Variants in NLGN1 observed in about 807,000 individuals in gnomAD.
The protein encoded by NLGN1 is neuroligin-1.
In NLGN1, 12 loss-of-function variants were observed where a neutral mutation model predicts 65.5. The ratio of observed to expected loss-of-function variants is 0.18; its 90% CI spans 0.12 to 0.30. NLGN1 has a LOEUF of 0.30. Ranked by LOEUF, NLGN1 falls within the 10% of genes least tolerant of loss-of-function variation. The pLI is 1.00. For synonymous variants in NLGN1, 350 were observed against 359.5 expected, an observed-to-expected ratio of 0.97 and a Z score of 0.30; for missense variants, 750 against 1,007.1, an observed-to-expected ratio of 0.74 and a Z score of 3.46.
chr3:174,035,852 A>G (rs1731020258), intron 4 of NLGN1, among the ~76,000 whole-genome samples: 1 of 152,054 alleles, frequency 6.6e-6, no homozygotes, highest in Non-Finnish European at 1.5e-5. Context: ...ATCCTATTAT[A>G]TAGGATCTAG....
At chr3:173,778,773 A>G (rs1334845617) in intron 3 of NLGN1, among the ~76,000 whole-genome samples, 1 of 151,894 alleles carries the variant, frequency 6.6e-6, no homozygotes, top group Admixed American at 6.6e-5. Context: ...CAGTAAGTAA[A>G]TTAAATCATT....
intron 4 of NLGN1, among the ~76,000 whole-genome samples, chr3:174,171,139 A>C (rs192419789): frequency 6.6e-6 from 1 of 152,302 alleles, no homozygotes; most frequent in Admixed American, 6.5e-5. Context: ...TCAAATGTAC[A>C]GTGATGTTAT....
intron 4 of NLGN1, among the ~76,000 whole-genome samples, chr3:173,930,605 A>C (rs891165268): frequency 1.3e-5 from 2 of 152,212 alleles, no homozygotes; most frequent in African/African-American, 4.8e-5. Flanking sequence ...AATCTAAGAA[A>C]GAAGGATAGA....
intron 4 of NLGN1, among the ~76,000 whole-genome samples, chr3:173,911,194 T>C (rs1461549905): frequency 1.3e-5 from 2 of 152,186 alleles, no homozygotes; most frequent in Non-Finnish European, 2.9e-5. Context: ...TGAAAAATAA[T>C]TGTTTAAGCT....
At chr3:173,484,893 G>A (rs1413478697) in intron 2 of NLGN1, among the ~76,000 whole-genome samples, 1 of 151,930 alleles carries the variant, frequency 6.6e-6, no homozygotes. Context: ...CTCAGTTTCT[G>A]TGTTTTTCTA....
intron 1 of NLGN1, among the ~76,000 whole-genome samples, chr3:173,419,262 G>A (rs1215547919): frequency 1.3e-5 from 2 of 150,844 alleles, no homozygotes; most frequent in Non-Finnish European, 3.0e-5. Context: ...CTTATCACAA[G>A]CTTGGAATGT....
chr3:173,982,616 A>G (rs1023663465), intron 4 of NLGN1, among the ~76,000 whole-genome samples: 1 of 152,190 alleles, frequency 6.6e-6, no homozygotes, highest in Non-Finnish European at 1.5e-5. Flanking sequence ...TTTAAGAATG[A>G]AAAGCAGTGA....
At chr3:173,613,182 C>T (rs1752567708) in intron 3 of NLGN1, among the ~76,000 whole-genome samples, 1 of 152,076 alleles carries the variant, frequency 6.6e-6, no homozygotes, top group Admixed American at 6.6e-5. Context: ...GACATTGCCA[C>T]TTTTTTCCAA....
At chr3:174,164,443 T>C (rs892926692) in intron 4 of NLGN1, among the ~76,000 whole-genome samples, 1 of 152,072 alleles carries the variant, frequency 6.6e-6, no homozygotes, top group Non-Finnish European at 1.5e-5. Context: ...GTACCACTTG[T>C]CAATTTTTGG....
intron 4 of NLGN1, among the ~76,000 whole-genome samples, chr3:174,187,590 G>A (rs986670187): frequency 2.0e-5 from 3 of 152,018 alleles, no homozygotes; most frequent in African/African-American, 7.2e-5. Context: ...CATAGAAAAT[G>A]CAAAGTCAAA....
chr3:174,270,952 A>G (rs1250995697), intron 4 of NLGN1, among the ~76,000 whole-genome samples: 4 of 151,790 alleles, frequency 2.6e-5, no homozygotes, highest in Admixed American at 2.6e-4. Context: ...ACGTCTCACT[A>G]TCATTCAGAG....
chr3:174,250,000 T>C (rs936731040), intron 4 of NLGN1, among the ~76,000 whole-genome samples: 2 of 152,194 alleles, frequency 1.3e-5, no homozygotes, highest in African/African-American at 4.8e-5. Context: ...AGCAGAGAGA[T>C]ACTGAGAAGA....
At chr3:174,086,929 GGT>G (rs1245691738) in intron 4 of NLGN1, among the ~76,000 whole-genome samples, 1 of 152,056 alleles carries the variant, frequency 6.6e-6, no homozygotes, top group Non-Finnish European at 1.5e-5. Flanking sequence ...CTGGAAATGT[GGT>G]GTAAAATATT....
chr3:173,530,686 G>T (rs944126046), intron 2 of NLGN1, among the ~76,000 whole-genome samples: 1 of 152,070 alleles, frequency 6.6e-6, no homozygotes, highest in Admixed American at 6.6e-5. Context: ...TAATCTGATG[G>T]TTCTTTAATT....
intron 4 of NLGN1, among the ~76,000 whole-genome samples, chr3:173,993,484 G>A (rs1199774655): frequency 6.6e-6 from 1 of 152,188 alleles, no homozygotes; most frequent in African/African-American, 2.4e-5. Context: ...AGAGCTACTA[G>A]TGGTTAGGTC....
intron 3 of NLGN1, among the ~76,000 whole-genome samples, chr3:173,655,646 G>C (rs1035448269): frequency 6.6e-6 from 1 of 151,516 alleles, no homozygotes; most frequent in Non-Finnish European, 1.5e-5. Context: ...GGATGAATTT[G>C]TTTATTTCTT....
intron 4 of NLGN1, among the ~76,000 whole-genome samples, chr3:173,980,732 T>G (rs934666642): frequency 2.0e-5 from 3 of 152,082 alleles, no homozygotes; most frequent in Non-Finnish European, 2.9e-5. Flanking sequence ...ATTTTTACTT[T>G]AATATATATA....
At chr3:173,466,910 C>T (rs909595912) in intron 2 of NLGN1, among the ~76,000 whole-genome samples, 3 of 152,098 alleles carry the variant, frequency 2.0e-5, no homozygotes, top group African/African-American at 7.2e-5. Context: ...TTCATTTAAA[C>T]AAATTTATGT....
At chr3:173,871,295 A>T (rs1324039821) in intron 4 of NLGN1, among the ~76,000 whole-genome samples, 1 of 152,212 alleles carries the variant, frequency 6.6e-6, no homozygotes, top group East Asian at 1.9e-4. Context: ...TAGATGTGGA[A>T]AAAAAGATGT....
Sources: allele counts gnomAD v4.1 joint callset (sites outside exome capture counted in the v4.1 genomes callset), GRCh38; gene constraint gnomAD v4.1.1; transcripts MANE v1.5; gene names NCBI Gene and HGNC (gene_info 2026-07-23, HGNC 2026-07-21).